Variants in PHACTR1 observed in about 807,000 individuals in gnomAD.
PHACTR1 encodes RPEL repeat containing 1.
Under a neutral mutation model 69.2 loss-of-function variants are expected in PHACTR1, and 16 were observed. The ratio of observed to expected loss-of-function variants is 0.23; its 90% CI spans 0.16 to 0.35. The LOEUF (loss-of-function observed/expected upper bound fraction) is 0.35, where lower values mean the gene tolerates loss of function less well. Ranked by LOEUF, PHACTR1 falls within the 10% of genes least tolerant of loss-of-function variation. The pLI, the probability that PHACTR1 is intolerant of heterozygous loss-of-function variation, is 1.00. For missense variants in PHACTR1, 510 were observed against 734.7 expected (o/e 0.69, Z 3.54); for synonymous variants, 312 against 284.5 (o/e 1.10, Z -0.97).
chr6:13,046,222 T>C (rs1453616671), intron 4 of PHACTR1, among the ~76,000 whole-genome samples: 2 of 152,104 alleles, frequency 1.3e-5, no homozygotes, highest in African/African-American at 4.8e-5. Flanking sequence ...GGTAGAAAGA[T>C]AGCCACCTGT....
chr6:13,222,114 G>A (rs1285554384), intron 8 of PHACTR1, among the ~76,000 whole-genome samples: 1 of 152,136 alleles, frequency 6.6e-6, no homozygotes, highest in Non-Finnish European at 1.5e-5. Flanking sequence ...GGTTTTAGAA[G>A]CTAGTTAGCC....
chr6:12,784,770 A>C (rs552637802), intron 4 of PHACTR1, among the ~76,000 whole-genome samples: 3 of 151,922 alleles, frequency 2.0e-5, no homozygotes, highest in East Asian at 3.9e-4. Context: ...GCAGGAGTGC[A>C]ATGGCACGAT....
chr6:13,063,779 G>GAA lies in PHACTR1; in HGVS notation c.415+10263_415+10264dup, dbSNP rs201447462. On this transcript the variant is annotated intron_variant, in intron 5 of 14. Coordinates refer to ENST00000332995, the MANE Select transcript of PHACTR1 (RefSeq NM_030948.6). ...TGGGCAATGGAGTGAGACCCTGTCT[G>GAA]AAAAAAAAAAAAAATTATGACTTGA... Among the ~76,000 whole-genome samples, 96 of 139,690 alleles carry GAA rather than the reference G, an allele frequency of 6.9e-4. 1 individual carries two copies. The highest frequency in any genetic ancestry group is 2.2e-3 in the African/African-American group (86 of 38,254). The allele number at this position is 139,690 out of a possible 152,430, so 91.6% of individuals were successfully genotyped here. A position where few individuals can be genotyped will look rare whatever the true frequency, so the allele number is the denominator to read the frequency against.
chr6:13,281,187 G>C (rs771459236), intron 12 of PHACTR1: 2 of 1,195,170 alleles, frequency 1.7e-6, no homozygotes, highest in East Asian at 1.2e-4. Context: ...GTAAAATCCA[G>C]GTCAGTTTCC....
At chr6:12,960,210 GT>G in intron 4 of PHACTR1, among the ~76,000 whole-genome samples, 1 of 152,344 alleles carries the variant, frequency 6.6e-6, no homozygotes, top group Middle Eastern at 3.4e-3. Flanking sequence ...TGTATGGGAA[GT>G]AAATTATATA....
At chr6:12,774,822 G>T (rs141819424) in intron 4 of PHACTR1, among the ~76,000 whole-genome samples, 1 of 152,256 alleles carries the variant, frequency 6.6e-6, no homozygotes, top group African/African-American at 2.4e-5. Context: ...TTCAGGAAAG[G>T]GTATAGAAGC....
intron 5 of PHACTR1, among the ~76,000 whole-genome samples, chr6:13,119,400 T>A (rs778296652): frequency 8.5e-5 from 13 of 152,234 alleles, no homozygotes; most frequent in Admixed American, 5.9e-4. Context: ...ATCAGAAAGC[T>A]ACCGTATAGT....
chr6:13,200,042 A>T (rs2113839191), intron 7 of PHACTR1, among the ~76,000 whole-genome samples: 1 of 152,298 alleles, frequency 6.6e-6, no homozygotes, highest in South Asian at 2.1e-4. Context: ...AGAATCTGGA[A>T]ATTATCCCAA....
At chr6:12,936,229 C>A (rs1789432585) in intron 4 of PHACTR1, among the ~76,000 whole-genome samples, 1 of 152,100 alleles carries the variant, frequency 6.6e-6, no homozygotes, top group South Asian at 2.1e-4. Flanking sequence ...TTTTCCACAG[C>A]TAGAATTTCT....
intron 8 of PHACTR1, among the ~76,000 whole-genome samples, chr6:13,212,897 G>A (rs754624646): frequency 1.5e-4 from 23 of 152,016 alleles, no homozygotes; most frequent in South Asian, 6.2e-4. Flanking sequence ...AACCCTCCTC[G>A]CAACACAGCC....
intron 7 of PHACTR1, among the ~76,000 whole-genome samples, chr6:13,197,825 T>A (rs983861394): frequency 6.6e-6 from 1 of 152,130 alleles, no homozygotes; most frequent in Non-Finnish European, 1.5e-5. Flanking sequence ...AATCTCCTCC[T>A]CCACAAGGCT....
chr6:13,286,886 C>T (rs1345016051), intron 14 of PHACTR1, among the ~76,000 whole-genome samples, 177 bp from the exon 15 acceptor site: 1 of 152,122 alleles, frequency 6.6e-6, no homozygotes, highest in Non-Finnish European at 1.5e-5. Flanking sequence ...CCAGGGCTGC[C>T]CCAGATGAAA....
chr6:12,899,531 A>G (rs1289033992), intron 4 of PHACTR1, among the ~76,000 whole-genome samples: 2 of 152,198 alleles, frequency 1.3e-5, no homozygotes, highest in Non-Finnish European at 2.9e-5. Context: ...ACTTGCAAGT[A>G]TTCATAAAAA....
intron 5 of PHACTR1, among the ~76,000 whole-genome samples, chr6:13,121,675 C>T (rs1271304194): frequency 1.3e-5 from 2 of 152,148 alleles, no homozygotes; most frequent in Non-Finnish European, 2.9e-5. Context: ...GACATGGTTT[C>T]CAGCAAATAG....
chr6:13,066,877 A>G (rs1458617166), intron 5 of PHACTR1, among the ~76,000 whole-genome samples: 1 of 152,200 alleles, frequency 6.6e-6, no homozygotes, highest in Non-Finnish European at 1.5e-5. Flanking sequence ...TTAAAGGCTT[A>G]GGTACAACAT....
At chr6:13,176,078 A>G (rs550182192) in intron 6 of PHACTR1, among the ~76,000 whole-genome samples, 2 of 152,272 alleles carry the variant, frequency 1.3e-5, no homozygotes, top group South Asian at 4.1e-4. Context: ...GCCCTGGGGA[A>G]AACGTCTCCA....
intron 8 of PHACTR1, among the ~76,000 whole-genome samples, chr6:13,212,680 C>G (rs544108288): frequency 6.6e-6 from 1 of 152,254 alleles, no homozygotes; most frequent in African/African-American, 2.4e-5. Context: ...GCTCCCTCCT[C>G]CCTCACACAG....
chr6:13,191,028 G>A (rs1763507955), intron 7 of PHACTR1, among the ~76,000 whole-genome samples: 1 of 152,118 alleles, frequency 6.6e-6, no homozygotes, highest in East Asian at 1.9e-4. Context: ...GTCACATGCT[G>A]CTGCGTAATT....
chr6:13,214,100 T>C (rs1767303060), intron 8 of PHACTR1: 1 of 152,154 alleles, frequency 6.6e-6, no homozygotes, highest in African/African-American at 2.4e-5. Context: ...AAGGTGGTTT[T>C]CCCAGGGCGA....
Sources: gnomAD v4.1 joint callset for allele counts (sites outside exome capture counted in the v4.1 genomes callset) on GRCh38, gnomAD v4.1.1 for gene constraint, MANE v1.5 for transcripts, NCBI Gene and HGNC (gene_info 2026-07-23, HGNC 2026-07-21) for gene names.